The following SGCD variants were observed in gnomAD, a reference collection of about 807,000 sequenced individuals.
SGCD encodes delta-sarcoglycan.
A neutral mutation model predicts 36.6 loss-of-function variants in SGCD; 18 were observed. The observed-to-expected ratio is 0.49, with a 90% CI of 0.34 to 0.73. The LOEUF (loss-of-function observed/expected upper bound fraction) is 0.73, where lower values mean the gene tolerates loss of function less well. SGCD is among the 30% of genes least tolerant of loss of function. SGCD has a pLI of 0.01. For synonymous variants in SGCD, 133 were observed against 130.6 expected (o/e 1.02, Z -0.12); for missense variants, 387 against 346.7 (o/e 1.12, Z -0.92).
intron 7 of SGCD, among the ~76,000 whole-genome samples, chr5:156,684,172 C>A (rs1244338541): frequency 6.6e-6 from 1 of 151,918 alleles, no homozygotes; most frequent in Non-Finnish European, 1.5e-5. Flanking sequence ...AATTACCAAA[C>A]TAGTTAGTGC....
intron 3 of SGCD, among the ~76,000 whole-genome samples, chr5:156,496,163 C>T (rs554247338): frequency 6.6e-6 from 1 of 152,188 alleles, no homozygotes; most frequent in East Asian, 1.9e-4. Flanking sequence ...TTTACAAGTA[C>T]AAATGACCTT....
chr5:156,320,361 A>G (rs1767625560), intron 3 of SGCD, among the ~76,000 whole-genome samples: 1 of 152,186 alleles, frequency 6.6e-6, no homozygotes, highest in South Asian at 2.1e-4. Flanking sequence ...CCTATCATGT[A>G]GTCTAGCTTC....
At chr5:155,766,382 G>T in the SGCD span, among the ~76,000 whole-genome samples, 2 of 152,140 alleles carry the variant, frequency 1.3e-5, no homozygotes, top group Non-Finnish European at 2.9e-5. Flanking sequence ...GCTGGCTGTA[G>T]CTGGGGGTGT....
At chr5:156,721,984 A>G (rs185839813) in intron 7 of SGCD, among the ~76,000 whole-genome samples, 164 of 152,332 alleles carry the variant, frequency 1.1e-3, no homozygotes, top group African/African-American at 3.7e-3. Context: ...ATTGATTACA[A>G]AAGTACTTGG....
chr5:156,446,465 G>T (rs1021361317), intron 3 of SGCD, among the ~76,000 whole-genome samples: 12 of 152,092 alleles, frequency 7.9e-5, no homozygotes, highest in African/African-American at 2.7e-4. Context: ...AGAAGCAGGG[G>T]TCTAGAAACT....
intron 1 of SGCD, among the ~76,000 whole-genome samples, chr5:155,909,641 A>G (rs769342842): frequency 2.0e-5 from 3 of 152,162 alleles, no homozygotes; most frequent in Non-Finnish European, 4.4e-5. Flanking sequence ...TTCCAAGGGC[A>G]TGGAAAGAGC....
the SGCD span, among the ~76,000 whole-genome samples, chr5:155,855,766 A>G: frequency 9.7e-3 from 1,481 of 152,272 alleles, 25 homozygotes; most frequent in African/African-American, 0.034. Flanking sequence ...GGTGGAATCA[A>G]CAGTCTTCTT....
chr5:156,553,367 C>T (rs966740719), intron 4 of SGCD, among the ~76,000 whole-genome samples: 6 of 152,116 alleles, frequency 3.9e-5, no homozygotes, highest in African/African-American at 1.4e-4. Context: ...ATCACTTGTT[C>T]CCACACTTGG....
intron 7 of SGCD, among the ~76,000 whole-genome samples, chr5:156,657,877 T>G (rs1438741740): frequency 8.0e-6 from 1 of 124,518 alleles, no homozygotes; most frequent in Non-Finnish European, 1.7e-5. Context: ...CCCTTAGTAT[T>G]TATTGATCAT....
chr5:155,750,131 A>G, the SGCD span, among the ~76,000 whole-genome samples: 4 of 152,198 alleles, frequency 2.6e-5, no homozygotes, highest in Non-Finnish European at 5.9e-5. Flanking sequence ...GGAGGTGAAG[A>G]GTCTTAGGAG....
At chr5:155,806,978 A>T in the SGCD span, among the ~76,000 whole-genome samples, 197 of 152,358 alleles carry the variant, frequency 1.3e-3, no homozygotes, top group Non-Finnish European at 2.2e-3. Context: ...CTGAGACAAT[A>T]GCTGTGAATG....
intron 4 of SGCD, among the ~76,000 whole-genome samples, chr5:156,587,507 T>C (rs1168834666): frequency 6.6e-6 from 1 of 152,190 alleles, no homozygotes; most frequent in Non-Finnish European, 1.5e-5. Context: ...TAAATCTTGA[T>C]TGAAGTGATA....
the SGCD span, among the ~76,000 whole-genome samples, chr5:155,752,756 C>T: frequency 2.0e-5 from 3 of 152,196 alleles, no homozygotes; most frequent in African/African-American, 4.8e-5. Flanking sequence ...AGATGACCCT[C>T]CATCAATATT....
At chr5:155,940,995 G>C (rs562136287) in intron 1 of SGCD, among the ~76,000 whole-genome samples, 2 of 152,208 alleles carry the variant, frequency 1.3e-5, no homozygotes, top group South Asian at 4.1e-4. Context: ...GTATGAAGAA[G>C]AGACATTTTT....
chr5:156,445,560 C>T (rs908489234), intron 3 of SGCD, among the ~76,000 whole-genome samples: 11 of 152,082 alleles, frequency 7.2e-5, no homozygotes, highest in African/African-American at 1.7e-4. Context: ...ATGTTAGCAA[C>T]GTGATTATAA....
intron 1 of SGCD, among the ~76,000 whole-genome samples, chr5:156,107,980 A>G (rs1761689950): frequency 6.6e-6 from 1 of 152,144 alleles, no homozygotes; most frequent in South Asian, 2.1e-4. Flanking sequence ...AATACAGGAG[A>G]GTAATCTGGT....
At chr5:156,602,356 G>A (rs548789230) in intron 6 of SGCD, among the ~76,000 whole-genome samples, 2 of 151,334 alleles carry the variant, frequency 1.3e-5, no homozygotes, top group Non-Finnish European at 1.5e-5. Flanking sequence ...TTTTTTTTTG[G>A]TGGAATCTTT....
intron 3 of SGCD, among the ~76,000 whole-genome samples, chr5:156,189,779 T>C (rs1299769062): frequency 6.6e-6 from 1 of 152,184 alleles, no homozygotes; most frequent in African/African-American, 2.4e-5. Flanking sequence ...GAACATATCA[T>C]TGAGAACAGG....
intron 1 of SGCD, among the ~76,000 whole-genome samples, chr5:156,099,106 A>G (rs1349794762): frequency 6.6e-6 from 1 of 152,154 alleles, no homozygotes; most frequent in East Asian, 1.9e-4. Context: ...CTTCTTTTTG[A>G]TAAAAGAGAG....
Sources: allele counts gnomAD v4.1 joint callset (sites outside exome capture counted in the v4.1 genomes callset), GRCh38; gene constraint gnomAD v4.1.1; transcripts MANE v1.5; gene names NCBI Gene and HGNC (gene_info 2026-07-23, HGNC 2026-07-21).